ADAMTSL1: variants seen among roughly 807,000 people sequenced by gnomAD.
ADAMTSL1 encodes the protein ADAMTS like 1.
A neutral mutation model predicts 201.8 loss-of-function variants in ADAMTSL1; 126 were observed. That is an observed-to-expected ratio of 0.62 (90% CI 0.54 to 0.72). The LOEUF (loss-of-function observed/expected upper bound fraction) is 0.72, where lower values mean the gene tolerates loss of function less well. Among genes scored for constraint, ADAMTSL1 ranks in the 30% least tolerant of loss-of-function variants. ADAMTSL1 has a pLI of 0.00. For synonymous variants in ADAMTSL1, 1,121 were observed against 903.4 expected (o/e 1.24, Z -4.32); for missense variants, 2,679 against 2,277.8 (o/e 1.18, Z -3.59).
chr9:18,539,909 G>A (rs568451506), intron 3 of ADAMTSL1, among the ~76,000 whole-genome samples: 5 of 152,094 alleles, frequency 3.3e-5, no homozygotes, highest in South Asian at 2.1e-4. Context: ...CCTGTTGGCC[G>A]GCCTAGAAGT....
chr9:18,722,337 T>A (rs1026235516), intron 15 of ADAMTSL1, among the ~76,000 whole-genome samples: 1 of 152,200 alleles, frequency 6.6e-6, no homozygotes, highest in African/African-American at 2.4e-5. Context: ...AAATCTCATC[T>A]ATGGGTTTGG....
chr9:18,416,054 A>G (rs911393636), intron 2 of ADAMTSL1, among the ~76,000 whole-genome samples: 2 of 152,242 alleles, frequency 1.3e-5, no homozygotes, highest in East Asian at 3.9e-4. Flanking sequence ...CTTCAAGGAA[A>G]TCCTCCAAGC....
chr9:18,688,413 C>A lies in ADAMTSL1; in HGVS notation c.1574+3613C>A, dbSNP rs183739169. On this transcript the variant is annotated intron_variant, in intron 13 of 28. Coordinates refer to ENST00000380548, the MANE Select transcript of ADAMTSL1 (RefSeq NM_001040272.6). ...AAAGTGCTGGGATTACAGGCATGAG[C>A]CACCACACCCAGCCGAATATATTTT... is the stretch of plus-strand genomic sequence containing the variant. 2.0e-5 allele frequency among the ~76,000 whole-genome samples: 3 copies of A among 151,340 alleles called. No homozygotes were observed. In the East Asian group the frequency reaches 5.8e-4, roughly 29 times the overall value.
At chr9:18,593,199 C>G (rs1325146859) in intron 4 of ADAMTSL1, among the ~76,000 whole-genome samples, 1 of 152,002 alleles carries the variant, frequency 6.6e-6, no homozygotes, top group Non-Finnish European at 1.5e-5. Flanking sequence ...AATTTGGAAA[C>G]CCTTTATTTC....
intron 2 of ADAMTSL1, among the ~76,000 whole-genome samples, chr9:18,319,785 C>T (rs1209027777): frequency 6.6e-6 from 1 of 152,172 alleles, no homozygotes; most frequent in Non-Finnish European, 1.5e-5. Flanking sequence ...CTAAAATGTG[C>T]ACATCTTAAT....
intron 24 of ADAMTSL1, among the ~76,000 whole-genome samples, chr9:18,888,468 G>C (rs931539294): frequency 1.3e-5 from 2 of 152,236 alleles, no homozygotes; most frequent in African/African-American, 4.8e-5. Flanking sequence ...TCATTCTGAA[G>C]AGTCTTCAGC....
At chr9:18,300,975 CA>C (rs886674301) in intron 2 of ADAMTSL1, among the ~76,000 whole-genome samples, 26 of 151,626 alleles carry the variant, frequency 1.7e-4, no homozygotes, top group African/African-American at 6.1e-4. Context: ...ATTGAGCAGG[CA>C]AAAAAATGTA....
At chr9:18,034,118 C>G (rs1323145997) in intron 1 of ADAMTSL1, among the ~76,000 whole-genome samples, 1 of 152,146 alleles carries the variant, frequency 6.6e-6, no homozygotes, top group East Asian at 1.9e-4. Context: ...TACAAGCATA[C>G]TTTTCTCTTT....
chr9:18,337,729 G>A (rs1220648988), intron 2 of ADAMTSL1, among the ~76,000 whole-genome samples: 3 of 152,150 alleles, frequency 2.0e-5, no homozygotes, highest in African/African-American at 7.2e-5. Flanking sequence ...ACAAGTTTTT[G>A]TATGTTGATC....
chr9:18,446,750 T>C (rs1888064), intron 2 of ADAMTSL1, among the ~76,000 whole-genome samples: 7,047 of 152,326 alleles, frequency 0.046, 500 homozygotes, highest in African/African-American at 0.16. Context: ...TTCTTACCTA[T>C]GTCATCTAAA....
intron 1 of ADAMTSL1, among the ~76,000 whole-genome samples, chr9:17,959,537 C>A (rs1193839348): frequency 6.6e-6 from 1 of 152,152 alleles, no homozygotes; most frequent in Non-Finnish European, 1.5e-5. Context: ...CAGCTCACTG[C>A]AACCTCTGCC....
intron 25 of ADAMTSL1, among the ~76,000 whole-genome samples, chr9:18,892,121 CAGATAATCCA>C (rs928792733): frequency 2.0e-5 from 3 of 152,202 alleles, no homozygotes; most frequent in African/African-American, 7.2e-5. Flanking sequence ...AGGGCCCAGC[CAGATAATCCA>C]AGATAATCTT....
intron 2 of ADAMTSL1, among the ~76,000 whole-genome samples, chr9:18,390,174 T>C (rs1015640577): frequency 1.3e-5 from 2 of 152,144 alleles, no homozygotes; most frequent in East Asian, 3.9e-4. Context: ...TAGCAGCTAA[T>C]ATAGGGCAGG....
intron 20 of ADAMTSL1, among the ~76,000 whole-genome samples, chr9:18,803,151 A>G (rs1269696813): frequency 6.6e-6 from 1 of 152,248 alleles, no homozygotes; most frequent in African/African-American, 2.4e-5. Context: ...ATACAGTCTC[A>G]TCAAGATGTC....
At chr9:18,145,316 T>C (rs766377439) in intron 1 of ADAMTSL1, among the ~76,000 whole-genome samples, 2 of 152,208 alleles carry the variant, frequency 1.3e-5, no homozygotes, top group African/African-American at 2.4e-5. Context: ...TTGAGGACCA[T>C]GCAGGAGCTT....
chr9:18,126,637 T>G (rs1351001954), intron 1 of ADAMTSL1, among the ~76,000 whole-genome samples: 1 of 152,164 alleles, frequency 6.6e-6, no homozygotes, highest in Non-Finnish European at 1.5e-5. Flanking sequence ...AATATTTAAT[T>G]TTGAACTATT....
chr9:18,625,675 A>C (rs1826317537), intron 5 of ADAMTSL1, among the ~76,000 whole-genome samples: 1 of 152,178 alleles, frequency 6.6e-6, no homozygotes, highest in Non-Finnish European at 1.5e-5. Context: ...TTATTGACTT[A>C]TACTATGTTC....
At chr9:18,048,142 A>C (rs1272217373) in intron 1 of ADAMTSL1, among the ~76,000 whole-genome samples, 1 of 152,166 alleles carries the variant, frequency 6.6e-6, no homozygotes, top group African/African-American at 2.4e-5. Context: ...GATGTTGACT[A>C]TTCTATTGTG....
At position 18,795,466 on chromosome 9, in the gene ADAMTSL1, T is replaced by G. The variant is rs1472653365; in HGVS notation, c.3747T>G (p.Thr1249=). 6.2e-7 allele frequency: 1 copy of G among 1,613,910 alleles called. No individual in the cohort carries two copies. Among genetic ancestry groups the G allele is most frequent in the Non-Finnish European group, 8.5e-7 (1 of 1,179,850 alleles). Residue 1249 remains threonine (T), a synonymous_variant, in exon 20 of 29, where the codon ACT becomes ACG. Coordinates refer to ENST00000380548, the MANE Select transcript of ADAMTSL1 (RefSeq NM_001040272.6). Reference sequence around the variant, plus strand: ...TGGAAGCAGATGTGGGTTTCTACACTTGCAATGCCACCAATGCCTTGGGAT... The same window carrying G: ...TGGAAGCAGATGTGGGTTTCTACACGTGCAATGCCACCAATGCCTTGGGAT... ...APVEADVGFY[T]CNATNALGYD...
Sources: allele counts gnomAD v4.1 joint callset (sites outside exome capture counted in the v4.1 genomes callset), GRCh38; gene constraint gnomAD v4.1.1; transcripts MANE v1.5; gene names NCBI Gene and HGNC (gene_info 2026-07-23, HGNC 2026-07-21).